Variants in PCDHGA4 observed in about 807,000 individuals in gnomAD.
PCDHGA4 encodes protocadherin gamma subfamily A, 4, also known as protocadherin gamma-A4.
In PCDHGA4, 38 loss-of-function variants were observed where a neutral mutation model predicts 54.6. The observed-to-expected ratio is 0.70, with a 90% CI of 0.54 to 0.91. The LOEUF (loss-of-function observed/expected upper bound fraction) is 0.91, where lower values mean the gene tolerates loss of function less well. Ranked by LOEUF, PCDHGA4 falls within the 40% of genes least tolerant of loss-of-function variation. The pLI is 0.00. For synonymous variants in PCDHGA4, 511 were observed against 512.9 expected (o/e 1.00, Z 0.05); for missense variants, 1,298 against 1,220.9 (o/e 1.06, Z -0.94).
chr5:141,355,958 AGAACGTTCCTGTAG>A lies in PCDHGA4; in HGVS notation c.853_866del (p.Asn285HisfsTer10). The A allele has an allele frequency of 3.7e-6, 6 of 1,613,948 alleles. No homozygotes were observed. Among genetic ancestry groups the A allele is most frequent in the Non-Finnish European group, 5.1e-6 (6 of 1,179,874 alleles). ...CCCGAGTACCACGTAAGTGTTCGTGAGAACGTTCCTGTAGGCACTCGGCTACTCACCGTAAAAGC... is the reference window on the plus strand; with the variant it reads ...CCCGAGTACCACGTAAGTGTTCGTGAGCACTCGGCTACTCACCGTAAAAGC... On this transcript the variant is annotated frameshift_variant, in exon 1 of 4. Coordinates refer to ENST00000571252, the MANE Select transcript of PCDHGA4 (RefSeq NM_018917.4). LOFTEE classifies it high-confidence loss of function.
chr5:141,422,165 A>G (rs771382434), intron 1 of PCDHGA4: 3 of 1,569,306 alleles, frequency 1.9e-6, no homozygotes, highest in Admixed American at 4.0e-5. Flanking sequence ...TTTGAAAAAT[A>G]TAGATTCTAT....
Position 141,409,074 on chromosome 5 carries a change from T to C in PCDHGA4, c.2514+51453T>C, listed in dbSNP as rs375843119. The C allele has an allele frequency of 4.3e-5, 69 of 1,613,884 alleles. No homozygotes were observed. Among genetic ancestry groups the C allele is most frequent in the South Asian group, 2.4e-4 (22 of 91,084 alleles). On this transcript the variant is annotated intron_variant, in intron 1 of 3. Coordinates refer to ENST00000571252, the MANE Select transcript of PCDHGA4 (RefSeq NM_018917.4). The stretch of plus-strand genomic sequence containing the variant: ...AGCACTGCCCAGAGCACAAAACATA[T>C]GTTCTCATTGGATGAGAAAACAGGT...
At chr5:141,411,059 C>T (rs1384816111) in intron 1 of PCDHGA4, 1 of 156,328 alleles carries the variant, frequency 6.4e-6, no homozygotes, top group African/African-American at 2.4e-5. Context: ...ACTATGTCGA[C>T]CAGGCTGTTC....
At chr5:141,400,538 A>G (rs994052728) in intron 1 of PCDHGA4, 1 of 1,613,662 alleles carries the variant, frequency 6.2e-7, no homozygotes, top group African/African-American at 1.3e-5. Context: ...AGTTTCATTT[A>G]TGTCTATTCT....
chr5:141,409,912 C>A (rs775668669), intron 1 of PCDHGA4: 2 of 1,613,180 alleles, frequency 1.2e-6, no homozygotes, highest in African/African-American at 2.7e-5. Flanking sequence ...TGGGTCCTGA[C>A]GGCTCCGCGT....
chr5:141,376,559 C>T, intron 1 of PCDHGA4: 1 of 1,609,498 alleles, frequency 6.2e-7, no homozygotes, highest in Non-Finnish European at 8.5e-7. Flanking sequence ...TCCCGCAACC[C>T]AACTAATCAG....
chr5:141,494,142 A>G (rs2099752161), intron 1 of PCDHGA4, among the ~76,000 whole-genome samples: 1 of 152,090 alleles, frequency 6.6e-6, no homozygotes, highest in South Asian at 2.1e-4. Context: ...TTAGTCACAG[A>G]CCATTGTCTG....
At chr5:141,430,909 G>A (rs1054175762) in intron 1 of PCDHGA4, 2 of 1,607,160 alleles carry the variant, frequency 1.2e-6, no homozygotes, top group Non-Finnish European at 1.7e-6. Context: ...ACATCTCCAG[G>A]GACCTGGGGC....
intron 1 of PCDHGA4, among the ~76,000 whole-genome samples, chr5:141,443,722 C>G (rs2098401001): frequency 6.6e-6 from 1 of 152,012 alleles, no homozygotes; most frequent in Admixed American, 6.6e-5. Context: ...TATAAAATTC[C>G]TCATACATTT....
At chr5:141,441,779 C>T in intron 1 of PCDHGA4, 2 of 390,030 alleles carry the variant, frequency 5.1e-6, no homozygotes, top group South Asian at 2.0e-5. Context: ...TGGTGGACGA[C>T]CTGAATGACA....
chr5:141,373,190 A>G (rs746967409), intron 1 of PCDHGA4, among the ~76,000 whole-genome samples: 1 of 152,254 alleles, frequency 6.6e-6, no homozygotes, highest in Non-Finnish European at 1.5e-5. Flanking sequence ...ATGAAACATT[A>G]TGTATATCTT....
Position 141,476,556 on chromosome 5 carries a change from C to A in PCDHGA4, c.2515-18251C>A. 1 of 1,614,234 alleles carries A rather than the reference C, an allele frequency of 6.2e-7. No homozygotes were observed. Among genetic ancestry groups the A allele is most frequent in the Non-Finnish European group, 8.5e-7 (1 of 1,180,036 alleles). ...GAAATGAAATTGGAGATTAGCGAGG[C>A]CGTGGCTCCGGGGACGCGCTTTCCG... On this transcript the variant is annotated intron_variant, in intron 1 of 3. Coordinates refer to ENST00000571252, the MANE Select transcript of PCDHGA4 (RefSeq NM_018917.4). The surrounding 1 kb of genome is among the most constrained non-coding windows in gnomAD (Gnocchi z 7.6).
At chr5:141,366,612 C>A (rs780105196) in intron 1 of PCDHGA4, 3 of 1,614,118 alleles carry the variant, frequency 1.9e-6, no homozygotes, top group African/African-American at 1.3e-5. Flanking sequence ...TCCCTCACCG[C>A]GGACTCGAGG....
At chr5:141,399,854 G>A (rs747617678) in intron 1 of PCDHGA4, 6 of 1,612,786 alleles carry the variant, frequency 3.7e-6, no homozygotes, top group Non-Finnish European at 5.1e-6. Context: ...ATGGTGCCGC[G>A]CGCTGCAGAG....
rs199936765 is a variant in PCDHGA4 at position 141,408,488 on chromosome 5, T to G, written c.2514+50867T>G. Reference sequence around the variant, plus strand: ...GAACCGAATAGACCGTGAGCAAATATGCAAAGAGAGAAGAAGATGTGAGTT... The same window carrying G: ...GAACCGAATAGACCGTGAGCAAATAGGCAAAGAGAGAAGAAGATGTGAGTT... On this transcript the variant is annotated intron_variant, in intron 1 of 3. Transcript: ENST00000571252. 8.1e-5 allele frequency: 130 copies of G among 1,614,012 alleles called. No individual in the cohort carries two copies. The Middle Eastern group carries it at 1.8e-3, about 23-fold the overall frequency.
intron 1 of PCDHGA4, chr5:141,408,367 G>T: frequency 6.2e-7 from 1 of 1,613,998 alleles, no homozygotes; most frequent in Non-Finnish European, 8.5e-7. Context: ...AGGATCTAGG[G>T]CTCAGTGTCC....
chr5:141,359,952 G>A (rs2149810633), intron 1 of PCDHGA4: 1 of 554,208 alleles, frequency 1.8e-6, no homozygotes, highest in African/African-American at 1.9e-5. Flanking sequence ...TTGGTCAAAA[G>A]AACGAAGAGA....
chr5:141,433,914 C>A (rs2097664630), intron 1 of PCDHGA4, among the ~76,000 whole-genome samples: 1 of 151,702 alleles, frequency 6.6e-6, no homozygotes, highest in Admixed American at 6.6e-5. Context: ...TTACAATCAC[C>A]TCCAAATGAA....
At chr5:141,383,695 G>A (rs373055594) in intron 1 of PCDHGA4, 5 of 1,613,974 alleles carry the variant, frequency 3.1e-6, no homozygotes, top group Non-Finnish European at 3.4e-6. Flanking sequence ...CACGGTACAT[G>A]CTATCGACCT....
Sources: gnomAD v4.1 joint callset for allele counts (sites outside exome capture counted in the v4.1 genomes callset) on GRCh38, gnomAD v4.1.1 for gene constraint, Gnocchi (gnomAD v3.1) non-coding constraint, MANE v1.5 for transcripts, NCBI Gene and HGNC (gene_info 2026-07-23, HGNC 2026-07-21) for gene names.